Variants in KCNK1 observed in about 807,000 individuals in gnomAD.
KCNK1 encodes potassium two pore domain channel subfamily K member 1, also known as potassium channel subfamily K member 1.
In KCNK1, 10 loss-of-function variants were observed where a neutral mutation model predicts 22.2. That is an observed-to-expected ratio of 0.45 (90% CI 0.28 to 0.76). The LOEUF (loss-of-function observed/expected upper bound fraction) is 0.76. Ranked by LOEUF, KCNK1 falls within the 30% of genes least tolerant of loss-of-function variation. The pLI, the probability that KCNK1 is intolerant of heterozygous loss-of-function variation, is 0.14. For missense variants in KCNK1, 378 were observed against 421.0 expected (o/e 0.90, Z 0.89); for synonymous variants, 200 against 186.4 (o/e 1.07, Z -0.60).
At chr1:233,644,359 C>T (rs1291029671) in intron 1 of KCNK1, among the ~76,000 whole-genome samples, 3 of 152,172 alleles carry the variant, frequency 2.0e-5, no homozygotes, top group African/African-American at 7.2e-5. Context: ...TTCATATATT[C>T]AACAAATATT....
chr1:233,642,924 G>A (rs939634642), intron 1 of KCNK1, among the ~76,000 whole-genome samples: 5 of 148,778 alleles, frequency 3.4e-5, no homozygotes, highest in Non-Finnish European at 5.9e-5. Flanking sequence ...ATGCGCCACC[G>A]CACCCGGCTA....
At chr1:233,642,966 G>A (rs142223046) in intron 1 of KCNK1, among the ~76,000 whole-genome samples, 1 of 145,270 alleles carries the variant, frequency 6.9e-6, no homozygotes, top group Admixed American at 7.0e-5. Flanking sequence ...ATTTTTAGTA[G>A]AGATGGGGTT....
chr1:233,635,853 G>GA (rs1010015424), intron 1 of KCNK1, among the ~76,000 whole-genome samples: 1 of 152,104 alleles, frequency 6.6e-6, no homozygotes, highest in Non-Finnish European at 1.5e-5. Flanking sequence ...TAAGTGTTAA[G>GA]AAAAAATACA....
intron 1 of KCNK1, among the ~76,000 whole-genome samples, chr1:233,619,970 G>C (rs909729294): frequency 6.6e-6 from 1 of 151,948 alleles, no homozygotes; most frequent in Non-Finnish European, 1.5e-5. Context: ...CGAAGTGGGC[G>C]AACTAGGGCC....
chr1:233,664,131 T>G (rs1658449578), intron 1 of KCNK1, among the ~76,000 whole-genome samples: 1 of 152,008 alleles, frequency 6.6e-6, no homozygotes, highest in South Asian at 2.1e-4. Context: ...TGCCCGGCCT[T>G]CAGTTGGCTT....
intron 1 of KCNK1, among the ~76,000 whole-genome samples, chr1:233,649,151 T>C (rs989517205): frequency 5.9e-5 from 9 of 152,206 alleles, no homozygotes; most frequent in African/African-American, 2.2e-4. Context: ...GTGATCACAT[T>C]TTTATCAATT....
intron 1 of KCNK1, among the ~76,000 whole-genome samples, chr1:233,655,140 T>C (rs568454510): frequency 1.3e-5 from 2 of 152,342 alleles, no homozygotes; most frequent in African/African-American, 4.8e-5. Context: ...GGACAGAGCA[T>C]TGAGCCAAAG....
chr1:233,666,836 G>T lies in KCNK1; in HGVS notation c.597G>T (p.Pro199=). ...CTGTGTCCTGCTTCTTCTTCATCCCGGCCGCTGTCTTCTCAGTCCTGGAGG... is the reference window on the plus strand; with the variant it reads ...CTGTGTCCTGCTTCTTCTTCATCCCTGCCGCTGTCTTCTCAGTCCTGGAGG... ...FVTVSCFFFI[P]AAVFSVLEDD... is the part of the protein sequence containing the mutation. The change falls in exon 2 of 3, where the codon CCG becomes CCT. Residue 199 remains proline, a synonymous_variant. Transcript: ENST00000366621. 1 of 1,614,108 alleles carries T rather than the reference G, an allele frequency of 6.2e-7. No homozygotes were observed. Among genetic ancestry groups the T allele is most frequent in the Admixed American group, 1.7e-5 (1 of 60,016 alleles).
intron 1 of KCNK1, among the ~76,000 whole-genome samples, chr1:233,657,752 A>G (rs1443021030): frequency 1.3e-5 from 2 of 152,188 alleles, no homozygotes; most frequent in African/African-American, 2.4e-5. Flanking sequence ...TCTGTTACCT[A>G]TGCTGTCCTA....
intron 1 of KCNK1, among the ~76,000 whole-genome samples, chr1:233,640,932 T>C (rs1657989443): frequency 6.6e-6 from 1 of 152,194 alleles, no homozygotes; most frequent in African/African-American, 2.4e-5. Flanking sequence ...CTTGAACTCC[T>C]GAGCTCAGGT....
At chr1:233,625,549 A>G (rs1657674526) in intron 1 of KCNK1, among the ~76,000 whole-genome samples, 1 of 152,084 alleles carries the variant, frequency 6.6e-6, no homozygotes, top group Non-Finnish European at 1.5e-5. Flanking sequence ...TGCTTCTGGG[A>G]CCTTGATTTT....
chr1:233,658,561 T>C (rs1390066445), intron 1 of KCNK1, among the ~76,000 whole-genome samples: 1 of 152,188 alleles, frequency 6.6e-6, no homozygotes, highest in Non-Finnish European at 1.5e-5. Context: ...TGAGACTACA[T>C]GAGACTACAG....
At chr1:233,653,621 C>G (rs1658237033) in intron 1 of KCNK1, among the ~76,000 whole-genome samples, 1 of 152,098 alleles carries the variant, frequency 6.6e-6, no homozygotes, top group Non-Finnish European at 1.5e-5. Flanking sequence ...GGCTATTTGT[C>G]TTTTGTTGAG....
chr1:233,663,202 C>A lies in KCNK1; in HGVS notation c.356-3393C>A, dbSNP rs912011865. On this transcript the variant is annotated intron_variant, in intron 1 of 2. Coordinates refer to ENST00000366621, the MANE Select transcript of KCNK1 (RefSeq NM_002245.4). ...AGATGTAAATTTTATATTTTACTTT[C>A]CATTACCAAAAAATTATTTATGTAC... Among the ~76,000 whole-genome samples the A allele has an allele frequency of 2.0e-5, 3 of 152,170 alleles. No individual in the cohort carries two copies. The East Asian group carries it at 5.8e-4, about 29-fold the overall frequency.
rs568059508 is a variant in KCNK1 at position 233,642,514 on chromosome 1, G to T, written c.356-24081G>T. Among the ~76,000 whole-genome samples the T allele has an allele frequency of 5.6e-4, 85 of 152,322 alleles. 4 individuals carry two copies. The South Asian group carries it at 0.017, about 31-fold the overall frequency. ...GTACAAAATCATGCAAGTGTGAAAGGGCAGGGGGTGTTCTGAGACCACGTC... is the reference window on the plus strand; with the variant it reads ...GTACAAAATCATGCAAGTGTGAAAGTGCAGGGGGTGTTCTGAGACCACGTC... On this transcript the variant is annotated intron_variant, in intron 1 of 2. Coordinates refer to ENST00000366621, the MANE Select transcript of KCNK1 (RefSeq NM_002245.4).
At chr1:233,616,290 A>T (rs550453081) in intron 1 of KCNK1, among the ~76,000 whole-genome samples, 4 of 152,340 alleles carry the variant, frequency 2.6e-5, no homozygotes, top group African/African-American at 7.2e-5. Context: ...AAGAATAAGA[A>T]CAGTTTTGAG....
chr1:233,630,280 AT>A (rs1294189602), intron 1 of KCNK1, among the ~76,000 whole-genome samples: 1 of 152,182 alleles, frequency 6.6e-6, no homozygotes, highest in East Asian at 1.9e-4. Context: ...TAAATAAATT[AT>A]TTTTTGTCAG....
chr1:233,671,410 C>T lies in KCNK1; in HGVS notation c.891C>T (p.Asp297=). Residue 297 remains aspartate (D), a synonymous_variant, in exon 3 of 3, where the codon GAC becomes GAT. Transcript: ENST00000366621. ...DEDQVHIIEH[D]QLSFSSITDQ... ...ATCAGGTGCACATCATAGAGCATGA[C>T]CAACTGTCCTTCTCCTCGATCACAG... 6.2e-7 allele frequency: 1 copy of T among 1,614,146 alleles called. No individual in the cohort carries two copies. The highest frequency in any genetic ancestry group is 1.3e-5 in the African/African-American group (1 of 75,022).
At chr1:233,624,682 G>A (rs1657654301) in intron 1 of KCNK1, among the ~76,000 whole-genome samples, 1 of 152,204 alleles carries the variant, frequency 6.6e-6, no homozygotes, top group African/African-American at 2.4e-5. Context: ...TTCTCTTGAT[G>A]AGGAAACAGA....
Sources: gnomAD v4.1 joint callset for allele counts (sites outside exome capture counted in the v4.1 genomes callset) on GRCh38, gnomAD v4.1.1 for gene constraint, MANE v1.5 for transcripts, NCBI Gene and HGNC (gene_info 2026-07-23, HGNC 2026-07-21) for gene names.